Variants in FAM110B observed in about 807,000 individuals in gnomAD.
FAM110B encodes the protein protein FAM110B.
FAM110B carries 6 observed loss-of-function variants against 20.4 expected under a neutral mutation model. The ratio of observed to expected loss-of-function variants is 0.29; its 90% CI spans 0.16 to 0.58. The LOEUF (loss-of-function observed/expected upper bound fraction) is 0.58, where lower values mean the gene tolerates loss of function less well. Among genes scored for constraint, FAM110B ranks in the 20% least tolerant of loss-of-function variants. FAM110B has a pLI of 0.90. For missense variants in FAM110B, 434 were observed against 498.2 expected (o/e 0.87, Z 1.23); for synonymous variants, 226 against 214.1 (o/e 1.06, Z -0.49).
intron 2 of FAM110B, among the ~76,000 whole-genome samples, chr8:58,068,824 G>T (rs972460240): frequency 2.0e-5 from 3 of 152,162 alleles, no homozygotes; most frequent in Non-Finnish European, 2.9e-5. Flanking sequence ...ACGGAGAGTT[G>T]CATTTGACTG....
Position 58,146,058 on chromosome 8 carries a change from AC to A in FAM110B, c.-171del, listed in dbSNP as rs1803855330. The A allele has an allele frequency of 1.4e-6, 1 of 696,382 alleles. No individual in the cohort carries two copies. Among genetic ancestry groups the A allele is most frequent in the South Asian group, 2.2e-5 (1 of 44,752 alleles). The allele number at this position is 696,382 out of a possible 1,614,324, so 43.1% of individuals were successfully genotyped here. Reference sequence around the variant, plus strand: ...AAGGGGAGAAAAGTGTATGAAAGCCACCGTGGCGGTTAATGAGCTGTGAGAT... The same window carrying A: ...AAGGGGAGAAAAGTGTATGAAAGCCACGTGGCGGTTAATGAGCTGTGAGAT... On this transcript the variant is annotated 5_prime_UTR_variant, in exon 4 of 4. It removes the in-frame stop codon of an upstream open reading frame in the 5' UTR. Coordinates refer to ENST00000519262, the MANE Select transcript of FAM110B (RefSeq NM_001377989.1).
At chr8:58,010,045 C>T (rs1159673191) in intron 1 of FAM110B, among the ~76,000 whole-genome samples, 1 of 152,172 alleles carries the variant, frequency 6.6e-6, no homozygotes, top group East Asian at 1.9e-4. Context: ...GAGACAGTGT[C>T]TCACTCTGTC....
At chr8:58,007,694 G>A (rs1804439339) in intron 1 of FAM110B, among the ~76,000 whole-genome samples, 1 of 152,152 alleles carries the variant, frequency 6.6e-6, no homozygotes, top group South Asian at 2.1e-4. Flanking sequence ...GTGCCACCTG[G>A]GAACCAGGAA....
chr8:58,006,911 A>ATT (rs1175090334), intron 1 of FAM110B, among the ~76,000 whole-genome samples: 21 of 96,032 alleles, frequency 2.2e-4, no homozygotes, highest in Non-Finnish European at 3.9e-4. Flanking sequence ...GTATATATAT[A>ATT]TATATATATA....
intron 3 of FAM110B, among the ~76,000 whole-genome samples, chr8:58,099,662 T>C (rs1051117602): frequency 6.6e-6 from 1 of 152,240 alleles, no homozygotes; most frequent in African/African-American, 2.4e-5. Flanking sequence ...TACTTATTGT[T>C]ATTTCATACC....
intron 1 of FAM110B, among the ~76,000 whole-genome samples, chr8:58,030,194 A>G (rs546523299): frequency 2.6e-5 from 4 of 152,348 alleles, no homozygotes; most frequent in African/African-American, 7.2e-5. Flanking sequence ...GAAATCCCAT[A>G]TACTTCAGCA....
intron 3 of FAM110B, among the ~76,000 whole-genome samples, chr8:58,091,092 T>C (rs1247942125): frequency 6.6e-6 from 1 of 152,190 alleles, no homozygotes; most frequent in Non-Finnish European, 1.5e-5. Context: ...TACTAAAGCA[T>C]GCTCTTTAGT....
chr8:58,074,250 C>G (rs1447903773), intron 2 of FAM110B, among the ~76,000 whole-genome samples: 2 of 152,136 alleles, frequency 1.3e-5, no homozygotes, highest in East Asian at 1.9e-4. Flanking sequence ...TTGCTACCCC[C>G]CTGTAAGTAG....
chr8:58,004,951 C>T (rs569523944), intron 1 of FAM110B, among the ~76,000 whole-genome samples: 44 of 152,298 alleles, frequency 2.9e-4, no homozygotes, highest in African/African-American at 1.0e-3. Flanking sequence ...GTTTTGCTTT[C>T]TCATCCTTTG....
intron 3 of FAM110B, among the ~76,000 whole-genome samples, chr8:58,083,719 C>A (rs1275303961): frequency 6.6e-6 from 1 of 152,220 alleles, no homozygotes; most frequent in African/African-American, 2.4e-5. Flanking sequence ...TATGTTAATT[C>A]TCTCATCATT....
At chr8:58,121,921 C>T (rs1807370497) in intron 3 of FAM110B, among the ~76,000 whole-genome samples, 1 of 152,174 alleles carries the variant, frequency 6.6e-6, no homozygotes, top group South Asian at 2.1e-4. Flanking sequence ...CCTTTGGCTG[C>T]CCTTCTGGAT....
At chr8:58,032,317 T>A (rs902650154) in intron 2 of FAM110B, 7 of 152,238 alleles carry the variant, frequency 4.6e-5, no homozygotes, top group Non-Finnish European at 7.3e-5. Flanking sequence ...GTGAATATTC[T>A]CACTGGACAT....
rs895919981 is a variant in FAM110B at position 58,145,945 on chromosome 8, C to G, written c.-286C>G. The G allele has an allele frequency of 8.8e-6, 3 of 342,840 alleles. No individual in the cohort carries two copies. The highest frequency in any genetic ancestry group is 1.6e-5 in the Non-Finnish European group (3 of 186,948). The allele number at this position is 342,840 out of a possible 1,614,324, so 21.2% of individuals were successfully genotyped here. ...TGAACACAAAGACCTGGAGGAGACT[C>G]CCACCTCCTTCAGGGAGAAGAAAGG... On this transcript the variant is annotated 5_prime_UTR_variant, in exon 4 of 4. Coordinates refer to ENST00000519262, the MANE Select transcript of FAM110B (RefSeq NM_001377989.1).
chr8:58,034,549 G>A lies in FAM110B; in HGVS notation c.-414+2846G>A, dbSNP rs1318133416. ...TGTCAGGACCTGGACTCTGCCATGT[G>A]CAATAGGTACAGCCCTGGGAAAGCT... On this transcript the variant is annotated intron_variant, in intron 2 of 3. Transcript: ENST00000519262. Among the ~76,000 whole-genome samples, 3 of 152,194 alleles carry A rather than the reference G, an allele frequency of 2.0e-5. No individual in the cohort carries two copies. In the East Asian group the frequency reaches 5.8e-4, roughly 29 times the overall value.
intron 3 of FAM110B, among the ~76,000 whole-genome samples, chr8:58,109,857 CA>C (rs1807018972): frequency 6.6e-6 from 1 of 152,226 alleles, no homozygotes; most frequent in African/African-American, 2.4e-5. Flanking sequence ...CCCTTTTATG[CA>C]ACTGATTTTT....
rs1241683397 is a variant in FAM110B, at chr8:58,146,654, C to T, written c.424C>T (p.Arg142Cys). The T allele has an allele frequency of 6.2e-7, 1 of 1,612,842 alleles. No individual in the cohort carries two copies. Among genetic ancestry groups the T allele is most frequent in the African/African-American group, 1.3e-5 (1 of 74,904 alleles). The change falls in exon 4 of 4, where the codon CGC becomes TGC. Residue 142 changes from arginine to cysteine, a missense_variant. Arg to Cys is a radical substitution (Grantham distance 180). Around this residue, in one of 3 missense-constraint regions of FAM110B, gnomAD observed 284 missense variants for 278.3 expected, o/e 1.02. Transcript: ENST00000519262. The part of the protein sequence containing the change: ...SSGSGHKHSS[R>C]NWPPHRSEAT... ...GGGCTCGGGGCACAAGCACAGCTCC[C>T]GCAACTGGCCGCCCCACCGGTCGGA...
At chr8:58,098,721 A>G (rs1384819493) in intron 3 of FAM110B, among the ~76,000 whole-genome samples, 1 of 152,130 alleles carries the variant, frequency 6.6e-6, no homozygotes, top group East Asian at 1.9e-4. Flanking sequence ...AGACTGTGGG[A>G]AAAGTGTAGT....
intron 2 of FAM110B, among the ~76,000 whole-genome samples, chr8:58,058,491 G>A (rs971126970): frequency 6.6e-6 from 1 of 152,124 alleles, no homozygotes; most frequent in Admixed American, 6.5e-5. Context: ...CATAAAGAAA[G>A]ATGTTTTAAG....
intron 3 of FAM110B, among the ~76,000 whole-genome samples, chr8:58,099,391 C>T (rs1806720456): frequency 6.6e-6 from 1 of 151,944 alleles, no homozygotes; most frequent in Admixed American, 6.6e-5. Context: ...CTTCTGGTCC[C>T]ACACATTTCA....
Sources: gnomAD v4.1 joint callset for allele counts (sites outside exome capture counted in the v4.1 genomes callset) on GRCh38, gnomAD v4.1.1 for gene constraint, gnomAD v4.1.1 regional missense constraint, MANE v1.5 for transcripts, NCBI Gene and HGNC (gene_info 2026-07-23, HGNC 2026-07-21) for gene names.